Variants in DHRSX observed in about 807,000 individuals in gnomAD.
DHRSX encodes the protein dehydrogenase/reductase X-linked.
DHRSX carries 31 observed loss-of-function variants against 34.0 expected under a neutral mutation model. That is an observed-to-expected ratio of 0.91 (90% CI 0.69 to 1.23). The LOEUF (loss-of-function observed/expected upper bound fraction) is 1.23, where lower values mean the gene tolerates loss of function less well. DHRSX is among the 50% of genes most tolerant of loss of function. The pLI, the probability that DHRSX is intolerant of heterozygous loss-of-function variation, is 0.00. For synonymous variants in DHRSX, 201 were observed against 183.8 expected (o/e 1.09, Z -0.76); for missense variants, 414 against 428.1 (o/e 0.97, Z 0.29).
In DHRSX at chrX:2,500,920, C is replaced by T. The variant is rs779491299; in HGVS notation, c.6G>A (p.Ser2=). 2.1e-4 allele frequency: 225 copies of T among 1,092,044 alleles called. No individual in the cohort carries two copies. The highest frequency in any genetic ancestry group is 2.4e-4 in the Non-Finnish European group (216 of 899,014). The allele number at this position is 1,092,044 out of a possible 1,614,324, so 67.6% of individuals were successfully genotyped here. The change falls in exon 1 of 7, where the codon TCG becomes TCA. Residue 2 remains serine (S), a synonymous_variant. Coordinates refer to ENST00000334651, the MANE Select transcript of DHRSX (RefSeq NM_145177.3). M[S]PLSAARAALR... is the part of the protein sequence containing the mutation. ...GGGCCGCCCGCGCCGCAGACAATGG[C>T]GACATGGCTGCCCCGGCCGCGCCGC...
intron 6 of DHRSX, among the ~76,000 whole-genome samples, chrX:2,239,736 T>C (rs1009814963): frequency 6.6e-6 from 1 of 151,612 alleles, no homozygotes; most frequent in African/African-American, 2.4e-5. Context: ...GCCAACGCAC[T>C]CCAGCCTGGG....
intron 3 of DHRSX, among the ~76,000 whole-genome samples, chrX:2,345,622 C>G (rs1450697285): frequency 1.3e-5 from 2 of 148,914 alleles, no homozygotes; most frequent in Non-Finnish European, 3.0e-5. Context: ...CGCATCGTAC[C>G]CCAGCCTGGG....
At chrX:2,329,789 G>A (rs73187652) in intron 3 of DHRSX, among the ~76,000 whole-genome samples, 38,241 of 151,814 alleles carry the variant, frequency 0.25, 5,632 homozygotes, top group African/African-American at 0.4. Context: ...TTTCCTGGGT[G>A]TCCCTTCCTA....
chrX:2,395,320 C>A (rs1029353415), intron 3 of DHRSX, among the ~76,000 whole-genome samples: 17 of 152,284 alleles, frequency 1.1e-4, no homozygotes, highest in African/African-American at 4.1e-4. Context: ...ACCCAACACA[C>A]CTCGGCCACT....
intron 5 of DHRSX, among the ~76,000 whole-genome samples, chrX:2,251,434 A>G (rs2016431719): frequency 6.6e-6 from 1 of 152,172 alleles, no homozygotes; most frequent in South Asian, 2.1e-4. Context: ...CTTTCTCAGC[A>G]TTCCACAAGT....
intron 3 of DHRSX, among the ~76,000 whole-genome samples, chrX:2,296,092 G>A (rs757336154): frequency 6.6e-6 from 1 of 152,086 alleles, no homozygotes; most frequent in Non-Finnish European, 1.5e-5. Flanking sequence ...TTCCGCAATC[G>A]CAACGACAGT....
intron 1 of DHRSX, among the ~76,000 whole-genome samples, chrX:2,474,185 C>T (rs112061479): frequency 0.21 from 31,218 of 151,840 alleles, 4,274 homozygotes; most frequent in African/African-American, 0.39. Context: ...CCACCGTGTA[C>T]GAACTGAAGA....
chrX:2,343,872 T>C (rs1394758463), intron 3 of DHRSX, among the ~76,000 whole-genome samples: 1 of 152,222 alleles, frequency 6.6e-6, no homozygotes, highest in African/African-American at 2.4e-5. Flanking sequence ...GTTGCAATAC[T>C]GACTGACTTG....
intron 3 of DHRSX, among the ~76,000 whole-genome samples, chrX:2,319,594 T>C (rs1355975944): frequency 6.6e-6 from 1 of 151,248 alleles, no homozygotes; most frequent in African/African-American, 2.4e-5. Context: ...TCTACTTCCA[T>C]TTAGTAAGTA....
intron 1 of DHRSX, among the ~76,000 whole-genome samples, chrX:2,467,542 A>G (rs1414212759): frequency 6.6e-6 from 1 of 152,160 alleles, no homozygotes; most frequent in Non-Finnish European, 1.5e-5. Context: ...AACAGGGACA[A>G]TGTGTGAGAT....
chrX:2,452,331 C>T (rs1189238990), intron 1 of DHRSX, among the ~76,000 whole-genome samples: 3 of 151,320 alleles, frequency 2.0e-5, no homozygotes, highest in Non-Finnish European at 4.4e-5. Flanking sequence ...AGCCAAGGGA[C>T]GGCACTGAAG....
At chrX:2,460,819 G>C (rs1157940650) in intron 1 of DHRSX, among the ~76,000 whole-genome samples, 1 of 152,096 alleles carries the variant, frequency 6.6e-6, no homozygotes. Context: ...CTGAGTTCAA[G>C]TGATCCTACT....
chrX:2,395,904 C>T (rs560770647), intron 3 of DHRSX, among the ~76,000 whole-genome samples: 199 of 152,252 alleles, frequency 1.3e-3, no homozygotes, highest in African/African-American at 4.5e-3. Flanking sequence ...TGTCTCTACT[C>T]GTCTCCCGAG....
chrX:2,231,903 C>T (rs2015897453), intron 6 of DHRSX, among the ~76,000 whole-genome samples: 1 of 150,138 alleles, frequency 6.7e-6, no homozygotes, highest in Non-Finnish European at 1.5e-5. Flanking sequence ...TCCTCTTTCT[C>T]TTATCTTCTT....
chrX:2,241,648 C>G (rs1328784675), intron 6 of DHRSX, among the ~76,000 whole-genome samples: 3 of 152,090 alleles, frequency 2.0e-5, no homozygotes, highest in Non-Finnish European at 4.4e-5. Flanking sequence ...GTGGCTCACA[C>G]CTATCATCCC....
intron 1 of DHRSX, among the ~76,000 whole-genome samples, chrX:2,454,012 A>T (rs2044262955): frequency 6.6e-6 from 1 of 152,076 alleles, no homozygotes; most frequent in Non-Finnish European, 1.5e-5. Context: ...AAAACATTAC[A>T]TTGTACCATA....
intron 3 of DHRSX, among the ~76,000 whole-genome samples, chrX:2,348,554 G>A (rs1446759268): frequency 6.6e-6 from 1 of 152,112 alleles, no homozygotes; most frequent in Non-Finnish European, 1.5e-5. Context: ...ATAAGAAAGA[G>A]GTCCAGGCAG....
chrX:2,244,902 A>C (rs1333235648), intron 5 of DHRSX, among the ~76,000 whole-genome samples: 2 of 151,718 alleles, frequency 1.3e-5, no homozygotes, highest in Admixed American at 1.3e-4. Flanking sequence ...AGTAGAGACG[A>C]GGTTTCACCA....
intron 1 of DHRSX, among the ~76,000 whole-genome samples, chrX:2,446,442 G>C (rs2044136364): frequency 6.6e-6 from 1 of 150,832 alleles, no homozygotes; most frequent in South Asian, 2.1e-4. Context: ...AGGGACGACA[G>C]CTGTGTACAC....
Sources: allele counts gnomAD v4.1 joint callset (sites outside exome capture counted in the v4.1 genomes callset), GRCh38; gene constraint gnomAD v4.1.1; transcripts MANE v1.5; gene names NCBI Gene and HGNC (gene_info 2026-07-23, HGNC 2026-07-21).